H3-3B: variants seen among roughly 807,000 people sequenced by gnomAD.
The protein encoded by H3-3B is H3.3 histone B, also known as histone H3.3.
In H3-3B, 2 loss-of-function variants were observed where a neutral mutation model predicts 13.1. The observed-to-expected ratio is 0.15, with a 90% CI of 0.06 to 0.48. The LOEUF is 0.48. Among genes scored for constraint, H3-3B ranks in the 20% least tolerant of loss-of-function variants. The pLI, the probability that H3-3B is intolerant of heterozygous loss-of-function variation, is 0.97. For missense variants in H3-3B, 39 were observed against 186.0 expected, an observed-to-expected ratio of 0.21 and a Z score of 4.60; for synonymous variants, 133 against 75.8, an observed-to-expected ratio of 1.76 and a Z score of -3.92.
chr17:75,778,529 A>G lies in H3-3B; in HGVS notation c.*66T>C. 4.5e-6 allele frequency: 7 copies of G among 1,553,636 alleles called. No individual in the cohort carries two copies. Among genetic ancestry groups the G allele is most frequent in the Non-Finnish European group, 6.1e-6 (7 of 1,148,978 alleles). On this transcript the variant is annotated 3_prime_UTR_variant, in exon 4 of 4. Transcript: ENST00000254810. ...TATTATAAACAATTTCTTACAAAAA[A>G]AGTCACAAATTAAACCAAAGTATTT...
rs35916120 is a variant in H3-3B at position 75,778,523 on chromosome 17, C to CA, written c.*71dup. 330 of 1,546,950 alleles carry CA rather than the reference C, an allele frequency of 2.1e-4. No homozygotes were observed. Among genetic ancestry groups the CA allele is most frequent in the Admixed American group, 5.4e-4 (27 of 49,848 alleles). ...GCAACATATTATAAACAATTTCTTA[C>CA]AAAAAAAGTCACAAATTAAACCAAA... On this transcript the variant is annotated 3_prime_UTR_variant, in exon 4 of 4. Transcript: ENST00000254810.
In H3-3B at chr17:75,779,196, G is replaced by C. The variant is rs764361933; in HGVS notation, c.-10-12C>G. 6.8e-7 allele frequency: 1 copy of C among 1,477,458 alleles called. No homozygotes were observed. Among genetic ancestry groups the C allele is most frequent in the East Asian group, 2.5e-5 (1 of 39,504 alleles). The allele number at this position is 1,477,458 out of a possible 1,614,324, so 91.5% of individuals were successfully genotyped here. ...CCATTTTCTTTCACCTAAGAAAGAC[G>C]CCCCGAAGATAAGGCCGCCGCGCTC... On this transcript the variant is annotated splice_polypyrimidine_tract_variant and intron_variant, in intron 1 of 3. Coordinates refer to ENST00000254810, the MANE Select transcript of H3-3B (RefSeq NM_005324.5).
In H3-3B at chr17:75,778,426, A is replaced by G. The variant is rs1307594871; in HGVS notation, c.*169T>C. On this transcript the variant is annotated 3_prime_UTR_variant, in exon 4 of 4. Transcript: ENST00000254810. Reference sequence around the variant, plus strand: ...GTCACTCCTGAGCAACAGTGCTCACATCACTGAGGTCTGTGAACAGTCACT... The same window carrying G: ...GTCACTCCTGAGCAACAGTGCTCACGTCACTGAGGTCTGTGAACAGTCACT... 5 of 895,858 alleles carry G rather than the reference A, an allele frequency of 5.6e-6. No homozygotes were observed. The allele number at this position is 895,858 out of a possible 1,614,324, so 55.5% of individuals were successfully genotyped here. A position where few individuals can be genotyped will look rare whatever the true frequency, so the allele number is the denominator to read the frequency against.
rs747751713 is a variant in H3-3B at position 75,778,546 on chromosome 17, A to C, written c.*49T>G. The C allele has an allele frequency of 4.4e-6, 7 of 1,576,688 alleles. No homozygotes were observed. Among genetic ancestry groups the C allele is most frequent in the African/African-American group, 1.4e-5 (1 of 73,206 alleles). ...TACAAAAAAAGTCACAAATTAAACCAAAGTATTTTACAGAATTTACTACAA... is the reference window on the plus strand; with the variant it reads ...TACAAAAAAAGTCACAAATTAAACCCAAGTATTTTACAGAATTTACTACAA... On this transcript the variant is annotated 3_prime_UTR_variant, in exon 4 of 4. Coordinates refer to ENST00000254810, the MANE Select transcript of H3-3B (RefSeq NM_005324.5).
chr17:75,779,457 G>A (rs1018432073), intron 1 of H3-3B, 200 bp downstream of exon 1: 2 of 287,088 alleles, frequency 7.0e-6, no homozygotes, highest in African/African-American at 2.2e-5. Flanking sequence ...GGAACCCGGC[G>A]TCGGGACCTC....
intron 1 of H3-3B, 138 bp downstream of exon 1, chr17:75,779,519 G>C: frequency 5.5e-6 from 1 of 181,184 alleles, no homozygotes; most frequent in Non-Finnish European, 1.1e-5. Flanking sequence ...AAAGCCCCAA[G>C]GGGAAACCTC....
chr17:75,779,500 T>A (rs1039935486), intron 1 of H3-3B, 157 bp downstream of exon 1: 2 of 205,704 alleles, frequency 9.7e-6, no homozygotes, highest in Non-Finnish European at 1.9e-5. Flanking sequence ...GGGGACACAG[T>A]TCCGGAACAA....
intron 1 of H3-3B, 186 bp from the exon 2 acceptor site, chr17:75,779,370 A>G: frequency 2.0e-6 from 1 of 508,280 alleles, no homozygotes; most frequent in Non-Finnish European, 3.0e-6. Flanking sequence ...GGCTGCGAGG[A>G]GCGGCAGCCT....
rs1222334015 is a variant in H3-3B, at chr17:75,776,448, T to C, written c.*2147A>G. On this transcript the variant is annotated 3_prime_UTR_variant, in exon 4 of 4. Transcript: ENST00000254810. ...ATGAGAAAATCTTAACTTCAAAAAT[T>C]TTATTTTAGTCTCATCCATCAAGGG... is the stretch of plus-strand genomic sequence containing the variant. 1 of 152,182 alleles carries C rather than the reference T, an allele frequency of 6.6e-6. No individual in the cohort carries two copies. Among genetic ancestry groups the C allele is most frequent in the Admixed American group, 6.5e-5 (1 of 15,274 alleles). 9.4% of individuals were successfully genotyped at this position (152,182 alleles called of 1,614,324 possible).
At chr17:75,778,774 G>T (rs746136410) in intron 3 of H3-3B, 36 bp downstream of exon 3, 19 of 1,614,072 alleles carry the variant, frequency 1.2e-5, no homozygotes, top group Non-Finnish European at 1.6e-5. Context: ...AGCGGAAACC[G>T]CCCAGCCCTC....
At chr17:75,779,250 G>A (rs1941697298) in intron 1 of H3-3B, 66 bp from the exon 2 acceptor site, 25 of 1,386,578 alleles carry the variant, frequency 1.8e-5, no homozygotes, top group Non-Finnish European at 2.2e-5. Context: ...GGCTGCGGGG[G>A]GAGGAACAGA....
rs1055454038 is a variant in H3-3B at position 75,777,430 on chromosome 17, T to C, written c.*1165A>G. ...GATAATGGGACATGTGAAAACTTAG[T>C]ACATTCAATTTAGGTTTTGGACACT... On this transcript the variant is annotated 3_prime_UTR_variant, in exon 4 of 4. Coordinates refer to ENST00000254810, the MANE Select transcript of H3-3B (RefSeq NM_005324.5). 6.5e-6 allele frequency: 1 copy of C among 152,680 alleles called. No individual in the cohort carries two copies. The highest frequency in any genetic ancestry group is 1.9e-4 in the East Asian group (1 of 5,208). 9.5% of individuals were successfully genotyped at this position (152,680 alleles called of 1,614,324 possible).
In H3-3B at chr17:75,777,768, T is replaced by G. The variant is rs2061645692; in HGVS notation, c.*827A>C. ...CCAACCACACAACACAATGAAAAGC[T>G]GCACTAACTAGTTCAGAATGTTAGT... is the stretch of plus-strand genomic sequence containing the variant. On this transcript the variant is annotated 3_prime_UTR_variant, in exon 4 of 4. Transcript: ENST00000254810. 6.6e-6 allele frequency: 1 copy of G among 152,540 alleles called. No individual in the cohort carries two copies. The highest frequency in any genetic ancestry group is 2.1e-4 in the South Asian group (1 of 4,836). The allele number at this position is 152,540 out of a possible 1,614,324, so 9.4% of individuals were successfully genotyped here.
In H3-3B at chr17:75,779,226, G is replaced by C. The variant is rs749225014; in HGVS notation, c.-10-42C>G. ...GAAGATAAGGCCGCCGCGCTCACCC[G>C]GGCCGCCCCCCAGGGCTGCGGGGGG... On this transcript the variant is annotated intron_variant, in intron 1 of 3. Coordinates refer to ENST00000254810, the MANE Select transcript of H3-3B (RefSeq NM_005324.5). The C allele has an allele frequency of 1.5e-5, 21 of 1,446,354 alleles. No individual in the cohort carries two copies. The African/African-American group carries it at 2.9e-4, about 20-fold the overall frequency. The allele number at this position is 1,446,354 out of a possible 1,614,324, so 89.6% of individuals were successfully genotyped here.
chr17:75,779,004 A>G (rs770184463), intron 2 of H3-3B, 41 bp from the exon 3 acceptor site: 7 of 1,612,652 alleles, frequency 4.3e-6, no homozygotes, highest in Non-Finnish European at 5.9e-6. Context: ...GCTGCCGCAC[A>G]AAGCCGGCCA....
chr17:75,777,570 G>A lies in H3-3B; in HGVS notation c.*1025C>T, dbSNP rs561322563. On this transcript the variant is annotated 3_prime_UTR_variant, in exon 4 of 4. Coordinates refer to ENST00000254810, the MANE Select transcript of H3-3B (RefSeq NM_005324.5). ...CATCTCTATAAAAATGATTTTCCCAGGACAGTAACCAGATGTAACCTAACC... is the reference window on the plus strand; with the variant it reads ...CATCTCTATAAAAATGATTTTCCCAAGACAGTAACCAGATGTAACCTAACC... 4 of 152,666 alleles carry A rather than the reference G, an allele frequency of 2.6e-5. No homozygotes were observed. Among genetic ancestry groups the A allele is most frequent in the Admixed American group, 2.0e-4 (3 of 15,300 alleles). The allele number at this position is 152,666 out of a possible 1,614,324, so 9.5% of individuals were successfully genotyped here.
rs764361933 is a variant in H3-3B at position 75,779,196 on chromosome 17, G to A, written c.-10-12C>T. 4.1e-5 allele frequency: 60 copies of A among 1,477,340 alleles called. No homozygotes were observed. The highest frequency in any genetic ancestry group is 7.0e-5 in the South Asian group (5 of 71,748). The allele number at this position is 1,477,340 out of a possible 1,614,324, so 91.5% of individuals were successfully genotyped here. The stretch of plus-strand genomic sequence containing the variant: ...CCATTTTCTTTCACCTAAGAAAGAC[G>A]CCCCGAAGATAAGGCCGCCGCGCTC... On this transcript the variant is annotated splice_polypyrimidine_tract_variant and intron_variant, in intron 1 of 3. Transcript: ENST00000254810.
intron 1 of H3-3B, 142 bp from the exon 2 acceptor site, chr17:75,779,326 G>A (rs559070899): frequency 2.7e-4 from 233 of 870,174 alleles, no homozygotes; most frequent in African/African-American, 1.1e-3. Context: ...ATGGCCGAGG[G>A]CCGCCAACCT....
Position 75,779,205 on chromosome 17 carries a change from A to G in H3-3B, c.-10-21T>C, listed in dbSNP as rs200728372. 6.8e-4 allele frequency: 1,005 copies of G among 1,467,674 alleles called. 2 individuals are homozygous for G. The highest frequency in any genetic ancestry group is 8.4e-4 in the Non-Finnish European group (935 of 1,109,690). 90.9% of individuals were successfully genotyped at this position (1,467,674 alleles called of 1,614,324 possible). A position where few individuals can be genotyped will look rare whatever the true frequency, so the allele number is the denominator to read the frequency against. ...TTCACCTAAGAAAGACGCCCCGAAGATAAGGCCGCCGCGCTCACCCGGGCC... is the reference window on the plus strand; with the variant it reads ...TTCACCTAAGAAAGACGCCCCGAAGGTAAGGCCGCCGCGCTCACCCGGGCC... On this transcript the variant is annotated intron_variant, in intron 1 of 3. Coordinates refer to ENST00000254810, the MANE Select transcript of H3-3B (RefSeq NM_005324.5).
Sources: gnomAD v4.1 joint callset for allele counts on GRCh38, gnomAD v4.1.1 for gene constraint, MANE v1.5 for transcripts, NCBI Gene and HGNC (gene_info 2026-07-23, HGNC 2026-07-21) for gene names.